The following EPG5 variants were observed in gnomAD, a reference collection of about 807,000 sequenced individuals.
EPG5 encodes the protein ectopic P-granules 5 autophagy tethering factor.
Under a neutral mutation model 302.7 loss-of-function variants are expected in EPG5, and 159 were observed. The ratio of observed to expected loss-of-function variants is 0.53; its 90% CI spans 0.46 to 0.60. EPG5 has a LOEUF of 0.60. EPG5 is among the 20% of genes least tolerant of loss of function. The pLI, the probability that EPG5 is intolerant of heterozygous loss-of-function variation, is 0.00. For missense variants in EPG5, 2,896 were observed against 3,092.4 expected (o/e 0.94, Z 1.51); for synonymous variants, 1,158 against 1,136.8 (o/e 1.02, Z -0.37).
At chr18:45,837,219 C>T in the EPG5 span, 9 of 1,409,382 alleles carry the variant, frequency 6.4e-6, no homozygotes, top group Non-Finnish European at 8.4e-6. Flanking sequence ...GGTCAAGGGG[C>T]CTGCAGGTGA....
chr18:45,935,622 A>G (rs564101950), intron 10 of EPG5, among the ~76,000 whole-genome samples: 2 of 151,126 alleles, frequency 1.3e-5, no homozygotes, highest in African/African-American at 2.5e-5. Context: ...ACTAAGGCAC[A>G]CACAGTAGTG....
rs1301762253 is a variant in EPG5, at chr18:45,934,792, G to C, written c.2257+17C>G. On this transcript the variant is annotated intron_variant, in intron 11 of 43. Coordinates refer to ENST00000282041, the MANE Select transcript of EPG5 (RefSeq NM_020964.3). ...AGATAGGGAGAGCTGGACGCCGACT[G>C]CTCGGCGGGGCTGTACCTTGGAGCT... The C allele has an allele frequency of 6.3e-7, 1 of 1,589,854 alleles. No individual in the cohort carries two copies. The highest frequency in any genetic ancestry group is 1.1e-5 in the South Asian group (1 of 87,430).
chr18:45,934,466 C>T (rs924071312), intron 11 of EPG5, among the ~76,000 whole-genome samples: 1 of 152,042 alleles, frequency 6.6e-6, no homozygotes, highest in Non-Finnish European at 1.5e-5. Context: ...AATGGCTGGG[C>T]ACAAAGCCTT....
chr18:45,822,314 T>C, the EPG5 span, among the ~76,000 whole-genome samples: 3 of 152,198 alleles, frequency 2.0e-5, no homozygotes, highest in East Asian at 5.8e-4. Context: ...CTGCATATTC[T>C]CACTCGTATG....
At chr18:45,803,093 T>C in the EPG5 span, among the ~76,000 whole-genome samples, 3 of 152,226 alleles carry the variant, frequency 2.0e-5, no homozygotes, top group African/African-American at 7.2e-5. Flanking sequence ...TTGAAAAGCA[T>C]TGAGAAAAGT....
At chr18:45,922,640 C>T in intron 15 of EPG5, 40 bp from the exon 16 acceptor site, 3 of 1,602,248 alleles carry the variant, frequency 1.9e-6, no homozygotes, top group Non-Finnish European at 2.6e-6. Context: ...TAGTCACACA[C>T]AAATTAAATC....
At chr18:45,818,821 C>T in the EPG5 span, among the ~76,000 whole-genome samples, 1 of 147,244 alleles carries the variant, frequency 6.8e-6, no homozygotes, top group South Asian at 2.1e-4. Context: ...GCAACCTCTG[C>T]CTCCTGGGTT....
At chr18:45,842,303 T>C in the EPG5 span, 1 of 1,116,808 alleles carries the variant, frequency 9.0e-7, no homozygotes, top group Non-Finnish European at 1.3e-6. Flanking sequence ...CCCAGCTGGG[T>C]GGCTCCTCCC....
rs2039081085 is a variant in EPG5 at position 45,944,077 on chromosome 18, C to A, written c.1720G>T (p.Asp574Tyr). 1 of 1,613,908 alleles carries A rather than the reference C, an allele frequency of 6.2e-7. No individual in the cohort carries two copies. Among genetic ancestry groups the A allele is most frequent in the South Asian group, 1.1e-5 (1 of 91,084 alleles). ...AACTGTGCTAAAATGGTAACCAAAT[C>A]ATCTTCATTAAGGAGAATCCAACTG... ...ETSWILLNED[D>Y]LVTILAQFPF... The change falls in exon 8 of 44, where the codon GAT (aspartate) becomes TAT (tyrosine). Residue 574 changes from aspartate to tyrosine, a missense_variant. By Grantham distance (160) the Asp-to-Tyr change is radical (BLOSUM62 -3). This residue lies in a region of EPG5 where 1,390 missense variants were observed against 1,430.0 expected (regional missense o/e 0.97). Coordinates refer to ENST00000282041, the MANE Select transcript of EPG5 (RefSeq NM_020964.3).
At position 45,957,141 on chromosome 18, in the gene EPG5, T is replaced by C. The variant is rs546272738; in HGVS notation, c.64-1803A>G. Among the ~76,000 whole-genome samples the C allele has an allele frequency of 5.1e-4, 77 of 152,232 alleles. No homozygotes were observed. The South Asian group carries it at 6.2e-3, about 12-fold the overall frequency. The stretch of plus-strand genomic sequence containing the variant: ...TTATTTTGGATTATTCTGCTCTGAA[T>C]GTCCAGCAGACTAATAGCCAAAAAA... On this transcript the variant is annotated intron_variant, in intron 1 of 43. Coordinates refer to ENST00000282041, the MANE Select transcript of EPG5 (RefSeq NM_020964.3).
intron 27 of EPG5, among the ~76,000 whole-genome samples, chr18:45,898,893 G>C (rs976058022): frequency 2.6e-5 from 4 of 152,206 alleles, no homozygotes; most frequent in Admixed American, 2.6e-4. Context: ...TTGGGAGGCC[G>C]AGGCGGGTGG....
At chr18:45,918,267 A>T (rs1360407621) in intron 16 of EPG5, among the ~76,000 whole-genome samples, 1 of 152,216 alleles carries the variant, frequency 6.6e-6, no homozygotes, top group East Asian at 1.9e-4. Flanking sequence ...ACTATCCCTT[A>T]ACTGAAATGC....
intron 27 of EPG5, among the ~76,000 whole-genome samples, chr18:45,893,752 T>C (rs536207410): frequency 6.6e-6 from 1 of 152,132 alleles, no homozygotes; most frequent in South Asian, 2.1e-4. Flanking sequence ...AAGCAGTGTA[T>C]AGTATTTAAG....
chr18:45,935,466 C>A (rs1387502506), intron 10 of EPG5, among the ~76,000 whole-genome samples: 1 of 152,136 alleles, frequency 6.6e-6, no homozygotes, highest in Admixed American at 6.5e-5. Context: ...CACTTGAACC[C>A]AGGAGGTAGA....
chr18:45,943,888 T>C, intron 8 of EPG5, 117 bp downstream of exon 8: 1 of 656,788 alleles, frequency 1.5e-6, no homozygotes, highest in East Asian at 2.8e-5. Flanking sequence ...GCCACTGCAC[T>C]CAGGCCTGGG....
intron 22 of EPG5, among the ~76,000 whole-genome samples, chr18:45,911,206 C>T (rs2145673047): frequency 6.6e-6 from 1 of 151,906 alleles, no homozygotes; most frequent in African/African-American, 2.4e-5. Context: ...ACTGCAACCT[C>T]CACCTCCTGG....
At chr18:45,919,597 C>T (rs34775986) in intron 16 of EPG5, among the ~76,000 whole-genome samples, 24,102 of 150,492 alleles carry the variant, frequency 0.16, 2,262 homozygotes, top group Admixed American at 0.3. Context: ...ACTGCAAGCT[C>T]CGCCTCCCAG....
the EPG5 span, chr18:45,837,654 A>AGCCCTATGCGGGCCC: frequency 2.0e-6 from 3 of 1,504,138 alleles, no homozygotes; most frequent in African/African-American, 1.4e-5. Context: ...CGCGCGGGCG[A>AGCCCTATGCGGGCCC]GCCCTATGCG....
chr18:45,824,155 T>C, the EPG5 span, among the ~76,000 whole-genome samples: 1,016 of 152,274 alleles, frequency 6.7e-3, 1 homozygote, highest in Non-Finnish European at 0.012. Context: ...TAGACCAGCC[T>C]CTGGGCTGGG....
Sources: gnomAD v4.1 joint callset for allele counts (sites outside exome capture counted in the v4.1 genomes callset) on GRCh38, gnomAD v4.1.1 for gene constraint, gnomAD v4.1.1 regional missense constraint, MANE v1.5 for transcripts, NCBI Gene and HGNC (gene_info 2026-07-23, HGNC 2026-07-21) for gene names.